The following DHTKD1 variants were observed in gnomAD, a reference collection of about 807,000 sequenced individuals.
DHTKD1 encodes the protein 2-oxoadipate dehydrogenase complex component E1.
In DHTKD1, 78 loss-of-function variants were observed where a neutral mutation model predicts 101.8. That is an observed-to-expected ratio of 0.77 (90% CI 0.64 to 0.93). The LOEUF (loss-of-function observed/expected upper bound fraction) is 0.93. Among genes scored for constraint, DHTKD1 ranks in the 40% least tolerant of loss-of-function variants. The pLI, the probability that DHTKD1 is intolerant of heterozygous loss-of-function variation, is 0.00. For synonymous variants in DHTKD1, 462 were observed against 450.3 expected, an observed-to-expected ratio of 1.03 and a Z score of -0.33; for missense variants, 1,223 against 1,161.7, an observed-to-expected ratio of 1.05 and a Z score of -0.77.
chr10:12,082,812 A>C, intron 2 of DHTKD1, among the ~76,000 whole-genome samples: 1 of 152,096 alleles, frequency 6.6e-6, no homozygotes. Flanking sequence ...CTTTTTATAC[A>C]AAAAAGAAAT....
chr10:12,120,766 T>G, intron 16 of DHTKD1, 21 bp from the exon 17 acceptor site: 1 of 1,603,328 alleles, frequency 6.2e-7, no homozygotes, highest in Non-Finnish European at 8.5e-7. Flanking sequence ...TCATTTTATT[T>G]CTTCTCTGCT....
rs545897614 is a variant in DHTKD1, at chr10:12,120,942, G to A, written c.*54G>A. On this transcript the variant is annotated 3_prime_UTR_variant, in exon 17 of 17. Coordinates refer to ENST00000263035, the MANE Select transcript of DHTKD1 (RefSeq NM_018706.7). Reference sequence around the variant, plus strand: ...CTTTAAGAAAATGGCCATTAAGGCCGGGTGGGGTGGCACATGCCTGTAATC... The same window carrying A: ...CTTTAAGAAAATGGCCATTAAGGCCAGGTGGGGTGGCACATGCCTGTAATC... 4 of 1,520,510 alleles carry A rather than the reference G, an allele frequency of 2.6e-6. No homozygotes were observed. The highest frequency in any genetic ancestry group is 1.1e-5 in the South Asian group (1 of 88,474). 94.2% of individuals were successfully genotyped at this position (1,520,510 alleles called of 1,614,324 possible).
In DHTKD1 at chr10:12,100,274, C is replaced by CTT. The variant is rs375494996; in HGVS notation, c.1756+21_1756+22dup. 67 of 352,464 alleles carry CTT rather than the reference C, an allele frequency of 1.9e-4. No homozygotes were observed. Among genetic ancestry groups the CTT allele is most frequent in the South Asian group, 4.3e-4 (9 of 21,060 alleles). The allele number at this position is 352,464 out of a possible 1,614,324, so 21.8% of individuals were successfully genotyped here. On this transcript the variant is annotated intron_variant, in intron 9 of 16. Coordinates refer to ENST00000263035, the MANE Select transcript of DHTKD1 (RefSeq NM_018706.7). ...TTTACTTGCTCAAGGTAAGAATTTT[C>CTT]TTTTTTTTTTCTGTTTTTTTTTTTT...
intron 7 of DHTKD1, among the ~76,000 whole-genome samples, chr10:12,095,714 G>A (rs547293034): frequency 5.4e-5 from 8 of 149,210 alleles, no homozygotes; most frequent in Admixed American, 2.0e-4. Context: ...TCGGGAGGCT[G>A]AGGCAGGAGA....
intron 6 of DHTKD1, among the ~76,000 whole-genome samples, chr10:12,093,133 T>C (rs1405500939): frequency 6.7e-6 from 1 of 149,486 alleles, no homozygotes; most frequent in African/African-American, 2.5e-5. Flanking sequence ...AACTTGCACC[T>C]CCCGGGTTCA....
chr10:12,076,281 T>C (rs1832729165), intron 1 of DHTKD1, among the ~76,000 whole-genome samples: 1 of 152,170 alleles, frequency 6.6e-6, no homozygotes, highest in Non-Finnish European at 1.5e-5. Context: ...ATACAGACTA[T>C]CCTGGCTAAC....
At position 12,100,274 on chromosome 10, in the gene DHTKD1, C is replaced by CTTCTTTTTTTCTG; in HGVS notation, c.1756+14_1756+15insCTTTTTTTCTGTT. The CTTCTTTTTTTCTG allele has an allele frequency of 2.8e-6, 1 of 351,674 alleles. No homozygotes were observed. Among genetic ancestry groups the CTTCTTTTTTTCTG allele is most frequent in the Non-Finnish European group, 4.3e-6 (1 of 232,896 alleles). The allele number at this position is 351,674 out of a possible 1,614,324, so 21.8% of individuals were successfully genotyped here. ...TTTACTTGCTCAAGGTAAGAATTTTCTTTTTTTTTTCTGTTTTTTTTTTTT... is the reference window on the plus strand; with the variant it reads ...TTTACTTGCTCAAGGTAAGAATTTTCTTCTTTTTTTCTGTTTTTTTTTTCTGTTTTTTTTTTTT... On this transcript the variant is annotated intron_variant, in intron 9 of 16. Coordinates refer to ENST00000263035, the MANE Select transcript of DHTKD1 (RefSeq NM_018706.7).
chr10:12,089,072 T>C lies in DHTKD1; in HGVS notation c.804T>C (p.Ser268=), dbSNP rs752385586. 1 of 1,614,166 alleles carries C rather than the reference T, an allele frequency of 6.2e-7. No homozygotes were observed. Among genetic ancestry groups the C allele is most frequent in the Non-Finnish European group, 8.5e-7 (1 of 1,180,006 alleles). Reference sequence around the variant, plus strand: ...ACGTCCTGTCTCACCTGACCTCCTCTGTGGACCTGTACTTTGGGGCGCACC... The same window carrying C: ...ACGTCCTGTCTCACCTGACCTCCTCCGTGGACCTGTACTTTGGGGCGCACC... The part of the protein sequence containing the change: ...TGDVLSHLTS[S]VDLYFGAHHP... The change falls in exon 5 of 17, where the codon TCT becomes TCC. Residue 268 remains serine (S), a synonymous_variant. Coordinates refer to ENST00000263035, the MANE Select transcript of DHTKD1 (RefSeq NM_018706.7).
At chr10:12,106,468 A>G (rs1833249261) in intron 11 of DHTKD1, 72 bp downstream of exon 11, 1 of 1,578,668 alleles carries the variant, frequency 6.3e-7, no homozygotes. Context: ...GGACAAATGA[A>G]TGAAAAGGGG....
At chr10:12,111,760 C>T (rs1833333412) in intron 12 of DHTKD1, among the ~76,000 whole-genome samples, 1 of 151,962 alleles carries the variant, frequency 6.6e-6, no homozygotes, top group South Asian at 2.1e-4. Flanking sequence ...GGAGGAGGTC[C>T]TGAGTTTAAA....
intron 1 of DHTKD1, among the ~76,000 whole-genome samples, chr10:12,080,399 T>G (rs1038458235): frequency 1.3e-5 from 2 of 151,244 alleles, no homozygotes; most frequent in Non-Finnish European, 2.9e-5. Flanking sequence ...CACTTGTTCA[T>G]AAAATGGACC....
intron 14 of DHTKD1, 107 bp downstream of exon 14, chr10:12,117,862 T>TTTTA (rs781435056): frequency 0.024 from 1,685 of 70,362 alleles, 39 homozygotes; most frequent in African/African-American, 0.1. Flanking sequence ...CCTCTCCTAT[T>TTTTA]TTTATTTATT....
At position 12,091,632 on chromosome 10, in the gene DHTKD1, T is replaced by A; in HGVS notation, c.1107T>A (p.Gly369=). The change falls in exon 6 of 17, where the codon GGT becomes GGA. Residue 369 remains glycine, a synonymous_variant. Coordinates refer to ENST00000263035, the MANE Select transcript of DHTKD1 (RefSeq NM_018706.7). ...SVHLIVNNQL[G]YTTPAERGRS... is the part of the protein sequence containing the mutation. ...ATTTGATTGTTAATAACCAGCTGGGTTACACCACTCCAGCTGAAAGAGGAA... is the reference window on the plus strand; with the variant it reads ...ATTTGATTGTTAATAACCAGCTGGGATACACCACTCCAGCTGAAAGAGGAA... The A allele has an allele frequency of 6.2e-7, 1 of 1,613,718 alleles. No individual in the cohort carries two copies. The highest frequency in any genetic ancestry group is 1.3e-5 in the African/African-American group (1 of 74,956).
rs538112550 is a variant in DHTKD1, at chr10:12,110,254, C to A, written c.2154+2239C>A. 1.3e-5 allele frequency among the ~76,000 whole-genome samples: 2 copies of A among 152,206 alleles called. No homozygotes were observed. The highest frequency in any genetic ancestry group is 2.9e-5 in the Non-Finnish European group (2 of 68,014). On this transcript the variant is annotated intron_variant, in intron 12 of 16. Coordinates refer to ENST00000263035, the MANE Select transcript of DHTKD1 (RefSeq NM_018706.7). The surrounding 1 kb of genome is among the most constrained non-coding windows in gnomAD (Gnocchi z 4.9). ...CGGAGCTTGCAGTGAGCTGAGATTG[C>A]GCCATGCACTCCAGCCTGGGTGACA...
intron 1 of DHTKD1, among the ~76,000 whole-genome samples, chr10:12,077,214 A>C (rs1832747083): frequency 6.6e-6 from 1 of 150,820 alleles, no homozygotes; most frequent in African/African-American, 2.4e-5. Flanking sequence ...TGTTGTGGTC[A>C]TTCATTAAGT....
intron 13 of DHTKD1, chr10:12,116,503 G>A (rs1257427951): frequency 6.6e-6 from 1 of 151,180 alleles, no homozygotes; most frequent in Non-Finnish European, 1.5e-5. Flanking sequence ...CAATTCTTGT[G>A]TCTCACTCTC....
intron 14 of DHTKD1, among the ~76,000 whole-genome samples, chr10:12,118,144 C>T (rs1833449399): frequency 6.6e-6 from 1 of 152,004 alleles, no homozygotes; most frequent in African/African-American, 2.4e-5. Context: ...CCCACCTCAG[C>T]CTCTGAAAGT....
At chr10:12,091,030 G>A (rs922622650) in intron 5 of DHTKD1, among the ~76,000 whole-genome samples, 2 of 151,886 alleles carry the variant, frequency 1.3e-5, no homozygotes, top group Non-Finnish European at 2.9e-5. Context: ...CTCCCGCCTG[G>A]GCAACAGAGC....
intron 10 of DHTKD1, among the ~76,000 whole-genome samples, chr10:12,102,541 G>A (rs544268999): frequency 1.1e-4 from 17 of 151,744 alleles, no homozygotes; most frequent in Non-Finnish European, 2.4e-4. Flanking sequence ...CTTGGATCAA[G>A]TCAGATTGCC....
Sources: gnomAD v4.1 joint callset for allele counts (sites outside exome capture counted in the v4.1 genomes callset) on GRCh38, gnomAD v4.1.1 for gene constraint, Gnocchi (gnomAD v3.1) non-coding constraint, MANE v1.5 for transcripts, NCBI Gene and HGNC (gene_info 2026-07-23, HGNC 2026-07-21) for gene names.